SCN8A: variants seen among roughly 807,000 people sequenced by gnomAD.
SCN8A encodes sodium voltage-gated channel alpha subunit 8.
In SCN8A, 30 loss-of-function variants were observed where a neutral mutation model predicts 184.1. The ratio of observed to expected loss-of-function variants is 0.16; its 90% CI spans 0.12 to 0.22. The LOEUF (loss-of-function observed/expected upper bound fraction) is 0.22. Among genes scored for constraint, SCN8A ranks in the 10% least tolerant of loss-of-function variants. SCN8A has a pLI of 1.00. For synonymous variants in SCN8A, 852 were observed against 907.0 expected, an observed-to-expected ratio of 0.94 and a Z score of 1.09; for missense variants, 1,057 against 2,498.9, an observed-to-expected ratio of 0.42 and a Z score of 12.30.
intron 2 of SCN8A, among the ~76,000 whole-genome samples, chr12:51,665,698 T>C (rs1408084429): frequency 6.6e-6 from 1 of 152,192 alleles, no homozygotes; most frequent in Non-Finnish European, 1.5e-5. Context: ...TAGAATTAAA[T>C]TGACATAACA....
In SCN8A at chr12:51,721,818, C is replaced by G; in HGVS notation, c.1908C>G (p.Ser636Arg). The change falls in exon 12 of 27, where the codon AGC becomes AGG. Residue 636 changes from serine (S) to arginine (R), a missense_variant. Physicochemically the swap from Ser to Arg is moderately radical, Grantham distance 110 (BLOSUM62 -1). Transcript: ENST00000627620. ...GCATCTTCCCCAGCCTGCGGCGCAG[C>G]GTGAAGCGCAACAGCACGGTGGACT... ...SSRIFPSLRR[S>R]VKRNSTVDCN... 2 of 1,607,330 alleles carry G rather than the reference C, an allele frequency of 1.2e-6. No individual in the cohort carries two copies. Among genetic ancestry groups the G allele is most frequent in the Non-Finnish European group, 1.7e-6 (2 of 1,179,566 alleles).
chr12:51,699,130 G>T (rs1333794540), intron 6 of SCN8A, among the ~76,000 whole-genome samples: 1 of 152,214 alleles, frequency 6.6e-6, no homozygotes, highest in Non-Finnish European at 1.5e-5. Flanking sequence ...GTCAGAGAAG[G>T]CTTTCTGGAA....
intron 23 of SCN8A, 29 bp downstream of exon 23, chr12:51,788,777 C>CAT: frequency 6.3e-7 from 1 of 1,597,008 alleles, no homozygotes; most frequent in Non-Finnish European, 8.6e-7. Flanking sequence ...AAAATACCAC[C>CAT]TTCTCAGATG....
intron 19 of SCN8A, among the ~76,000 whole-genome samples, chr12:51,773,511 G>A (rs933468216): frequency 4.6e-5 from 7 of 152,310 alleles, no homozygotes; most frequent in Non-Finnish European, 7.3e-5. Context: ...TTTATATATA[G>A]TATTGGTGAG....
intron 9 of SCN8A, 27 bp from the exon 10 acceptor site, chr12:51,705,390 C>G: frequency 6.2e-7 from 1 of 1,611,018 alleles, no homozygotes; most frequent in Non-Finnish European, 8.5e-7. Context: ...GTACAAGTGA[C>G]TCAGAAAATG....
At chr12:51,621,287 G>C (rs959940548) in intron 1 of SCN8A, among the ~76,000 whole-genome samples, 2 of 152,126 alleles carry the variant, frequency 1.3e-5, no homozygotes, top group African/African-American at 2.4e-5. Flanking sequence ...TATAAACTTA[G>C]GTCACTTGGG....
chr12:51,792,523 A>G (rs1257103486), intron 25 of SCN8A, among the ~76,000 whole-genome samples: 3 of 150,104 alleles, frequency 2.0e-5, no homozygotes, highest in African/African-American at 7.3e-5. Context: ...AGATGGAACC[A>G]AAGAGCTGGG....
rs886042925 is a variant in SCN8A, at chr12:51,706,650, A to C, written c.1570A>C (p.Met524Leu). Residue 524 changes from methionine to leucine, a missense_variant, in exon 11 of 27, where the codon ATG becomes CTG. Coordinates refer to ENST00000627620, the MANE Select transcript of SCN8A (RefSeq NM_001330260.2). Reference protein sequence around the residue: ...KVFKSESEDGMRRKAFRLPDN... With the variant: ...KVFKSESEDGLRRKAFRLPDN... ...GTTTAAGTCAGAGTCAGAAGATGGC[A>C]TGAGAAGGAAGGCCTTTCGGCTGCC... 1.9e-6 allele frequency: 3 copies of C among 1,606,650 alleles called. No individual in the cohort carries two copies. Among genetic ancestry groups the C allele is most frequent in the Non-Finnish European group, 2.5e-6 (3 of 1,176,772 alleles).
intron 14 of SCN8A, among the ~76,000 whole-genome samples, chr12:51,762,126 G>A (rs1011597748): frequency 5.3e-5 from 8 of 152,038 alleles, no homozygotes; most frequent in African/African-American, 1.7e-4. Flanking sequence ...ATCATAACGC[G>A]AGTGATTTTT....
chr12:51,689,726 G>A (rs1019928714), intron 6 of SCN8A: 5 of 151,850 alleles, frequency 3.3e-5, no homozygotes, highest in African/African-American at 1.2e-4. Context: ...TTCATTCTCA[G>A]ACATAAATCC....
intron 11 of SCN8A, among the ~76,000 whole-genome samples, chr12:51,709,035 C>T (rs1941829172): frequency 2.0e-5 from 3 of 152,080 alleles, no homozygotes; most frequent in African/African-American, 4.8e-5. Context: ...AGATCTATCC[C>T]AACATGGAGA....
intron 2 of SCN8A, among the ~76,000 whole-genome samples, chr12:51,680,311 A>C (rs918110082): frequency 6.6e-6 from 1 of 152,192 alleles, no homozygotes; most frequent in African/African-American, 2.4e-5. Flanking sequence ...TCACACATCA[A>C]ATGTCCTTAG....
At chr12:51,788,287 C>CTTTTTTTTTTTTTTTTTTTTTTTTTTTT (rs66672221) in intron 22 of SCN8A, among the ~76,000 whole-genome samples, 2 of 84,006 alleles carry the variant, frequency 2.4e-5, no homozygotes, top group African/African-American at 1.0e-4. Flanking sequence ...CGCTTAACAC[C>CTTTTTTTTTTTTTTTTTTTTTTTTTTTT]TTTTTTTTTT....
At chr12:51,735,748 G>A (rs1470116826) in intron 12 of SCN8A, among the ~76,000 whole-genome samples, 1 of 152,186 alleles carries the variant, frequency 6.6e-6, no homozygotes, top group Admixed American at 6.5e-5. Flanking sequence ...CAACCGGGGG[G>A]TCCTCGGGAT....
intron 8 of SCN8A, 73 bp downstream of exon 8, chr12:51,701,280 A>G: frequency 2.1e-6 from 2 of 933,584 alleles, no homozygotes; most frequent in Non-Finnish European, 3.2e-6. Flanking sequence ...CAAAATAGGC[A>G]ATATGTTTAC....
intron 6 of SCN8A, among the ~76,000 whole-genome samples, chr12:51,691,432 T>C (rs1327959698): frequency 1.3e-5 from 2 of 151,148 alleles, no homozygotes; most frequent in African/African-American, 2.4e-5. Flanking sequence ...ATGTTATTTA[T>C]CCTTTATATA....
At chr12:51,614,539 G>T (rs1202807334) in intron 1 of SCN8A, among the ~76,000 whole-genome samples, 1 of 152,052 alleles carries the variant, frequency 6.6e-6, no homozygotes, top group African/African-American at 2.4e-5. Context: ...TCTTCACCCA[G>T]CTTCCCCTAA....
rs1938818899 is a variant in SCN8A at position 51,809,366 on chromosome 12, GAC to G, written c.*1942_*1943del. On this transcript the variant is annotated 3_prime_UTR_variant, in exon 27 of 27. Coordinates refer to ENST00000627620, the MANE Select transcript of SCN8A (RefSeq NM_001330260.2). Reference sequence around the variant, plus strand: ...GGGAAGAAGAACCAACCCATAATCAGACACACCGATCTGCCTTGCAGTAGAAG... The same window carrying G: ...GGGAAGAAGAACCAACCCATAATCAGACACCGATCTGCCTTGCAGTAGAAG... The G allele has an allele frequency of 6.6e-6, 1 of 152,222 alleles. No homozygotes were observed. The highest frequency in any genetic ancestry group is 2.1e-4 in the South Asian group (1 of 4,830). 9.4% of individuals were successfully genotyped at this position (152,222 alleles called of 1,614,324 possible).
intron 1 of SCN8A, among the ~76,000 whole-genome samples, chr12:51,599,330 TTAA>T (rs1939415204): frequency 6.6e-6 from 1 of 152,236 alleles, no homozygotes; most frequent in African/African-American, 2.4e-5. Flanking sequence ...AATGGTATAG[TTAA>T]TAAATTGATT....
Sources: allele counts gnomAD v4.1 joint callset (sites outside exome capture counted in the v4.1 genomes callset), GRCh38; gene constraint gnomAD v4.1.1; transcripts MANE v1.5; gene names NCBI Gene and HGNC (gene_info 2026-07-23, HGNC 2026-07-21).